AP2B1: variants seen among roughly 807,000 people sequenced by gnomAD.
The protein encoded by AP2B1 is adaptor related protein complex 2 subunit beta 1.
A neutral mutation model predicts 102.0 loss-of-function variants in AP2B1; 23 were observed. The observed-to-expected ratio is 0.23, with a 90% CI of 0.16 to 0.32. The LOEUF (loss-of-function observed/expected upper bound fraction) is 0.32. AP2B1 is among the 10% of genes least tolerant of loss of function. The probability of loss-of-function intolerance (pLI) is 1.00; values close to 1 mark genes in which losing one functional copy is unlikely to be tolerated. For synonymous variants in AP2B1, 381 were observed against 421.2 expected (o/e 0.90, Z 1.17); for missense variants, 541 against 1,157.4 (o/e 0.47, Z 7.73).
chr17:35,701,168 T>C (rs1040760252), intron 18 of AP2B1, among the ~76,000 whole-genome samples: 1 of 37,874 alleles, frequency 2.6e-5, no homozygotes, highest in South Asian at 4.9e-4. Flanking sequence ...TTTTACATAG[T>C]GTATACACAC....
At chr17:35,699,387 C>CT (rs1372190913) in intron 18 of AP2B1, among the ~76,000 whole-genome samples, 1 of 152,214 alleles carries the variant, frequency 6.6e-6, no homozygotes, top group Non-Finnish European at 1.5e-5. Flanking sequence ...TTCACATACT[C>CT]TTAACGAACA....
intron 9 of AP2B1, among the ~76,000 whole-genome samples, chr17:35,636,019 G>A (rs1323583669): frequency 1.3e-5 from 2 of 150,642 alleles, no homozygotes; most frequent in Non-Finnish European, 2.9e-5. Context: ...TTAATCAAAA[G>A]CAGTACGGTT....
chr17:35,654,034 T>C (rs1446044724), intron 13 of AP2B1, among the ~76,000 whole-genome samples: 2 of 152,108 alleles, frequency 1.3e-5, no homozygotes, highest in African/African-American at 4.8e-5. Context: ...AAGAAAACAT[T>C]TGTTTTTTAA....
intron 5 of AP2B1, among the ~76,000 whole-genome samples, chr17:35,621,603 GACTT>G (rs1182094251): frequency 6.6e-6 from 1 of 152,172 alleles, no homozygotes; most frequent in Non-Finnish European, 1.5e-5. Flanking sequence ...CCTTAAGTTA[GACTT>G]ACTTTTCTCC....
intron 5 of AP2B1, among the ~76,000 whole-genome samples, chr17:35,610,925 T>A (rs902207112): frequency 1.3e-4 from 13 of 102,336 alleles, no homozygotes; most frequent in South Asian, 3.1e-4. Flanking sequence ...AAAAAAAAAA[T>A]TTTGTTGGAC....
chr17:35,713,770 ATAAT>A (rs782038398), intron 20 of AP2B1: 1 of 152,244 alleles, frequency 6.6e-6, no homozygotes, highest in Non-Finnish European at 1.5e-5. Context: ...CCAAGTCTTA[ATAAT>A]TAATCAGATC....
intron 18 of AP2B1, among the ~76,000 whole-genome samples, chr17:35,697,776 A>G (rs2076168445): frequency 6.6e-6 from 1 of 152,238 alleles, no homozygotes; most frequent in Non-Finnish European, 1.5e-5. Context: ...AGCCTGGCCA[A>G]CATGGCGAAA....
At chr17:35,713,987 T>C (rs2076501667) in intron 20 of AP2B1, among the ~76,000 whole-genome samples, 1 of 152,238 alleles carries the variant, frequency 6.6e-6, no homozygotes, top group Non-Finnish European at 1.5e-5. Flanking sequence ...CTGGGACTAC[T>C]GTCTTAAGTG....
chr17:35,605,539 C>G (rs964212670), intron 3 of AP2B1, among the ~76,000 whole-genome samples, 166 bp from the exon 4 acceptor site: 3 of 152,212 alleles, frequency 2.0e-5, no homozygotes, highest in Admixed American at 6.5e-5. Flanking sequence ...CGTGAGCCAC[C>G]GTGCCCAGCC....
chr17:35,706,984 C>A (rs2076353365), intron 18 of AP2B1, among the ~76,000 whole-genome samples: 1 of 151,686 alleles, frequency 6.6e-6, no homozygotes, highest in Non-Finnish European at 1.5e-5. Context: ...CTTTACAGAG[C>A]CTAGCGCTGT....
chr17:35,660,095 A>C (rs1164588215), intron 14 of AP2B1: 2 of 982,722 alleles, frequency 2.0e-6, no homozygotes, highest in Non-Finnish European at 2.4e-6. Flanking sequence ...TTCTCAAAAT[A>C]AATTATATAC....
chr17:35,660,710 C>A (rs188177609), intron 14 of AP2B1, among the ~76,000 whole-genome samples: 2 of 152,204 alleles, frequency 1.3e-5, no homozygotes, highest in Admixed American at 1.3e-4. Context: ...TCTCGAACTC[C>A]TGAACTCAGG....
intron 1 of AP2B1, among the ~76,000 whole-genome samples, chr17:35,592,710 A>AT (rs2073142092): frequency 6.6e-6 from 1 of 152,002 alleles, no homozygotes; most frequent in Admixed American, 6.6e-5. Flanking sequence ...GCCCAGCTAA[A>AT]TTTTGTATTT....
chr17:35,610,153 A>ATTTTTTT (rs1555557600), intron 5 of AP2B1, among the ~76,000 whole-genome samples: 6 of 149,662 alleles, frequency 4.0e-5, no homozygotes, highest in Admixed American at 2.0e-4. Context: ...TTTATTTTTT[A>ATTTTTTT]TTTTTTTTTG....
chr17:35,618,549 G>T (rs1452428494), intron 5 of AP2B1, among the ~76,000 whole-genome samples: 1 of 152,150 alleles, frequency 6.6e-6, no homozygotes, highest in African/African-American at 2.4e-5. Context: ...CACTGAACTG[G>T]AAAGTGGTAA....
chr17:35,677,669 C>T (rs1477049135), intron 17 of AP2B1, among the ~76,000 whole-genome samples: 2 of 151,968 alleles, frequency 1.3e-5, no homozygotes, highest in African/African-American at 4.8e-5. Context: ...ATTGGAATTG[C>T]AGTGAATAAG....
At chr17:35,676,466 T>G (rs2075703971) in intron 17 of AP2B1, among the ~76,000 whole-genome samples, 1 of 152,224 alleles carries the variant, frequency 6.6e-6, no homozygotes, top group Non-Finnish European at 1.5e-5. Flanking sequence ...CCTTTTGTTG[T>G]TAAGTAATAC....
intron 2 of AP2B1, among the ~76,000 whole-genome samples, chr17:35,594,540 G>T (rs1005090778): frequency 6.6e-6 from 1 of 152,032 alleles, no homozygotes; most frequent in African/African-American, 2.4e-5. Flanking sequence ...CTTTTTCTCT[G>T]CATATGAGTG....
Position 35,598,312 on chromosome 17 carries a change from T to C in AP2B1, c.120T>C (p.Ala40=), listed in dbSNP as rs2073359524. ...AGGCTGTGAAGAAAGTGATTGCTGC[T>C]ATGACCGTGGGGAAGGATGTTAGGT... The part of the protein sequence containing the change: ...RKEAVKKVIA[A]MTVGKDVSSL... Residue 40 remains alanine, a synonymous_variant, in exon 3 of 22, where the codon GCT becomes GCC. Coordinates refer to ENST00000610402, the MANE Select transcript of AP2B1 (RefSeq NM_001030006.2). The C allele has an allele frequency of 6.2e-7, 1 of 1,612,424 alleles. No homozygotes were observed. Among genetic ancestry groups the C allele is most frequent in the South Asian group, 1.1e-5 (1 of 90,948 alleles).
Sources: allele counts gnomAD v4.1 joint callset (sites outside exome capture counted in the v4.1 genomes callset), GRCh38; gene constraint gnomAD v4.1.1; transcripts MANE v1.5; gene names NCBI Gene and HGNC (gene_info 2026-07-23, HGNC 2026-07-21).